BLTP1: variants seen among roughly 807,000 people sequenced by gnomAD.
The protein encoded by BLTP1 is bridge-like lipid transfer protein family member 1.
At chr4:122,344,425 T>C in the BLTP1 span, 2 of 1,613,912 alleles carry the variant, frequency 1.2e-6, no homozygotes, top group African/African-American at 1.3e-5. Flanking sequence ...GTCGAAAAGA[T>C]TCACTCAGTA....
the BLTP1 span, among the ~76,000 whole-genome samples, chr4:122,159,915 G>A: frequency 6.6e-6 from 1 of 152,196 alleles, no homozygotes; most frequent in Admixed American, 6.5e-5. Flanking sequence ...TAGTTAACAG[G>A]TGAAATTGTG....
the BLTP1 span, among the ~76,000 whole-genome samples, chr4:122,274,007 A>G: frequency 3.9e-5 from 6 of 152,100 alleles, no homozygotes; most frequent in South Asian, 6.2e-4. Flanking sequence ...ATTTTTTAAA[A>G]TTTTCCAACT....
the BLTP1 span, among the ~76,000 whole-genome samples, chr4:122,161,932 G>A: frequency 3.6e-4 from 55 of 152,310 alleles, no homozygotes; most frequent in Non-Finnish European, 6.8e-4. Context: ...ATACCCAAAT[G>A]AGTACAGCAA....
chr4:122,202,420 C>T, the BLTP1 span: 1 of 162,628 alleles, frequency 6.1e-6, no homozygotes, highest in Non-Finnish European at 1.3e-5. Context: ...TTATTATTTT[C>T]CTTACTTTAT....
the BLTP1 span, chr4:122,221,648 A>G: frequency 5.0e-6 from 1 of 200,820 alleles, no homozygotes; most frequent in Non-Finnish European, 8.9e-6. Context: ...CACATAACAC[A>G]TTATTTTAAC....
chr4:122,287,546 C>T, the BLTP1 span: 6 of 984,886 alleles, frequency 6.1e-6, no homozygotes, highest in Admixed American at 6.2e-5. Flanking sequence ...TGTGTCTCAG[C>T]TTACCTTGTC....
At chr4:122,233,041 T>C in the BLTP1 span, among the ~76,000 whole-genome samples, 14 of 152,348 alleles carry the variant, frequency 9.2e-5, no homozygotes, top group East Asian at 2.5e-3. Context: ...TTTAAAAATA[T>C]GGCTCCCAAA....
the BLTP1 span, chr4:122,188,103 T>C: frequency 5.4e-5 from 77 of 1,434,638 alleles, no homozygotes; most frequent in East Asian, 2.9e-4. Context: ...GAAAATCTTA[T>C]AAAAATAATA....
chr4:122,188,135 C>T, the BLTP1 span: 8 of 1,348,202 alleles, frequency 5.9e-6, no homozygotes, highest in Non-Finnish European at 7.7e-6. Flanking sequence ...ATAGGTAATA[C>T]AGATACAGCT....
the BLTP1 span, among the ~76,000 whole-genome samples, chr4:122,323,587 G>A: frequency 1.3e-5 from 2 of 151,772 alleles, no homozygotes; most frequent in African/African-American, 4.8e-5. Context: ...GCCCTTCCTT[G>A]ATCACTTCTT....
At chr4:122,185,505 C>T in the BLTP1 span, 1 of 818,466 alleles carries the variant, frequency 1.2e-6, no homozygotes, top group Non-Finnish European at 1.5e-6. Flanking sequence ...GCTATTTCTA[C>T]TTAATGTAAT....
the BLTP1 span, among the ~76,000 whole-genome samples, chr4:122,201,518 TA>T: frequency 6.6e-6 from 1 of 152,202 alleles, no homozygotes; most frequent in African/African-American, 2.4e-5. Flanking sequence ...AGCTAAATGT[TA>T]TTTTTATACT....
chr4:122,208,610 G>T, the BLTP1 span: 1 of 979,710 alleles, frequency 1.0e-6, no homozygotes. Flanking sequence ...AAATATCTGT[G>T]GATACCCATG....
the BLTP1 span, chr4:122,276,197 A>C: frequency 9.4e-6 from 5 of 530,170 alleles, no homozygotes; most frequent in South Asian, 7.7e-5. Flanking sequence ...AAACACAGGT[A>C]AGGGCTGCTT....
the BLTP1 span, chr4:122,348,759 TG>T: frequency 4.3e-6 from 6 of 1,392,804 alleles, no homozygotes; most frequent in South Asian, 5.5e-5. Flanking sequence ...TAATCATTTT[TG>T]TAACTTTTCT....
the BLTP1 span, chr4:122,348,579 A>C: frequency 1.5e-5 from 24 of 1,591,256 alleles, no homozygotes; most frequent in East Asian, 5.4e-4. Context: ...TCACTTTCAA[A>C]AACATCAACT....
the BLTP1 span, chr4:122,185,134 G>T: frequency 1.3e-5 from 13 of 982,718 alleles, no homozygotes; most frequent in East Asian, 1.1e-4. Flanking sequence ...CTGTAGGAAT[G>T]AAGTTATAAA....
the BLTP1 span, chr4:122,183,386 A>G: frequency 8.2e-6 from 8 of 977,690 alleles, no homozygotes; most frequent in Middle Eastern, 5.3e-4. Context: ...TCTGCACTCT[A>G]GAAATTCTAG....
At chr4:122,314,001 T>C in the BLTP1 span, 1 of 940,950 alleles carries the variant, frequency 1.1e-6, no homozygotes, top group Non-Finnish European at 1.3e-6. Context: ...CAAAATTACA[T>C]TGAAATATGT....
Sources: allele counts gnomAD v4.1 joint callset (sites outside exome capture counted in the v4.1 genomes callset), GRCh38; gene constraint gnomAD v4.1.1; transcripts MANE v1.5; gene names NCBI Gene and HGNC (gene_info 2026-07-23, HGNC 2026-07-21).